SHQ1: variants seen among roughly 807,000 people sequenced by gnomAD.
The protein encoded by SHQ1 is SHQ1, H/ACA ribonucleoprotein assembly factor.
SHQ1 carries 49 observed loss-of-function variants against 53.8 expected under a neutral mutation model. That is an observed-to-expected ratio of 0.91 (90% CI 0.72 to 1.16). The LOEUF (loss-of-function observed/expected upper bound fraction) is 1.16. SHQ1 is among the 50% of genes most tolerant of loss of function. SHQ1 has a pLI of 0.00. For synonymous variants in SHQ1, 243 were observed against 251.0 expected, an observed-to-expected ratio of 0.97 and a Z score of 0.30; for missense variants, 738 against 683.1, an observed-to-expected ratio of 1.08 and a Z score of -0.90.
chr3:72,824,369 T>C lies in SHQ1; in HGVS notation c.727+55A>G, dbSNP rs1198062635. The C allele has an allele frequency of 1.1e-5, 18 of 1,596,800 alleles. No homozygotes were observed. In the East Asian group the frequency reaches 4.0e-4, roughly 36 times the overall value. ...TTAATAATATGGAAGGCAGTAAACG[T>C]GGTACACCATGAGATTTTAAAATGA... On this transcript the variant is annotated intron_variant, in intron 6 of 10. Coordinates refer to ENST00000325599, the MANE Select transcript of SHQ1 (RefSeq NM_018130.3).
chr3:72,761,470 C>T (rs1705607796), intron 10 of SHQ1, among the ~76,000 whole-genome samples: 1 of 152,112 alleles, frequency 6.6e-6, no homozygotes, highest in Non-Finnish European at 1.5e-5. Context: ...CTGCGCCGGG[C>T]CAAGGAATAA....
chr3:72,793,954 C>A (rs1706522636), intron 9 of SHQ1: 2 of 152,148 alleles, frequency 1.3e-5, no homozygotes, highest in South Asian at 4.1e-4. Context: ...CTAGTTTTAA[C>A]CCAACCAAAG....
chr3:72,746,769 A>G (rs980548740), downstream of SHQ1, among the ~76,000 whole-genome samples: 4 of 152,232 alleles, frequency 2.6e-5, no homozygotes, highest in African/African-American at 9.6e-5. Context: ...GGAAGGAAGA[A>G]AACTTCCATG....
chr3:72,731,350 T>C, the SHQ1 span, among the ~76,000 whole-genome samples: 35,565 of 150,372 alleles, frequency 0.24, 4,805 homozygotes, highest in Non-Finnish European at 0.26. Context: ...GAAAAGACAT[T>C]TCCATAAATT....
chr3:72,840,951 A>G (rs1289054088), intron 4 of SHQ1, 94 bp downstream of exon 4: 5 of 1,408,056 alleles, frequency 3.6e-6, no homozygotes, highest in African/African-American at 2.9e-5. Context: ...CTGTAATATT[A>G]TTTTTAAAAA....
intron 10 of SHQ1, among the ~76,000 whole-genome samples, chr3:72,751,535 T>TACACACAC (rs1553688184): frequency 5.0e-5 from 7 of 139,926 alleles, no homozygotes; most frequent in Admixed American, 6.9e-5. Context: ...TATATACATA[T>TACACACAC]ACATACACTA....
At chr3:72,728,407 C>A in the SHQ1 span, among the ~76,000 whole-genome samples, 1,618 of 152,326 alleles carry the variant, frequency 0.011, 21 homozygotes, top group Non-Finnish European at 0.015. Flanking sequence ...TGAGGGGCAT[C>A]TTTGCCCTGC....
intron 4 of SHQ1, among the ~76,000 whole-genome samples, chr3:72,836,375 G>T (rs1707995934): frequency 6.6e-6 from 1 of 152,144 alleles, no homozygotes; most frequent in Non-Finnish European, 1.5e-5. Context: ...TGTAGTCCCA[G>T]CTACTCGGGA....
intron 10 of SHQ1, among the ~76,000 whole-genome samples, chr3:72,773,923 A>C (rs540535992): frequency 1.3e-5 from 2 of 152,316 alleles, no homozygotes; most frequent in East Asian, 3.9e-4. Context: ...CACATACAAA[A>C]TGTAAGATTT....
At chr3:72,787,465 T>C (rs190781886) in intron 10 of SHQ1, among the ~76,000 whole-genome samples, 1 of 152,358 alleles carries the variant, frequency 6.6e-6, no homozygotes, top group African/African-American at 2.4e-5. Flanking sequence ...TCTTGATCCC[T>C]TGTCATTTCA....
At chr3:72,842,584 C>T (rs927082218) in intron 2 of SHQ1, among the ~76,000 whole-genome samples, 182 bp from the exon 3 acceptor site, 1 of 151,652 alleles carries the variant, frequency 6.6e-6, no homozygotes, top group African/African-American at 2.4e-5. Flanking sequence ...ATAATAAAAT[C>T]ATTTTAATTA....
At chr3:72,766,750 G>C (rs1180840314) in intron 10 of SHQ1, among the ~76,000 whole-genome samples, 1 of 152,140 alleles carries the variant, frequency 6.6e-6, no homozygotes. Flanking sequence ...GGAACTGAAA[G>C]CACAGGCCTC....
chr3:72,751,562 C>G (rs1466569161), intron 10 of SHQ1, among the ~76,000 whole-genome samples: 1 of 134,780 alleles, frequency 7.4e-6, no homozygotes, highest in South Asian at 2.2e-4. Flanking sequence ...CCTAACTCTC[C>G]TAACAGAGTT....
chr3:72,773,498 GA>G, intron 10 of SHQ1: 10 of 232,650 alleles, frequency 4.3e-5, no homozygotes, highest in South Asian at 1.1e-4. Context: ...AAAAAAAAAA[GA>G]AAAAAAAGAA....
chr3:72,833,491 TAGATAGATAGACAGAC>T (rs139977096), intron 4 of SHQ1, among the ~76,000 whole-genome samples: 28,454 of 94,634 alleles, frequency 0.3, 3,289 homozygotes, highest in East Asian at 0.42. Context: ...GATAGATAGA[TAGATAGATAGACAGAC>T]AGACAGACAG....
At chr3:72,732,384 G>GCCTTCCTTCCTT in the SHQ1 span, among the ~76,000 whole-genome samples, 1,033 of 86,482 alleles carry the variant, frequency 0.012, 3 homozygotes, top group East Asian at 0.034. Context: ...CTGCCTGCCT[G>GCCTTCCTTCCTT]CCTGCCTTCC....
At chr3:72,807,845 T>C (rs564293288) in intron 9 of SHQ1, among the ~76,000 whole-genome samples, 1 of 152,330 alleles carries the variant, frequency 6.6e-6, no homozygotes, top group South Asian at 2.1e-4. Flanking sequence ...TTTCTGAAAA[T>C]TTGTTTATTG....
chr3:72,817,415 TTTCA>T (rs748832867), intron 6 of SHQ1, 31 bp from the exon 7 acceptor site: 6 of 1,571,952 alleles, frequency 3.8e-6, no homozygotes, highest in Non-Finnish European at 5.2e-6. Flanking sequence ...AAACTAGATG[TTTCA>T]TTCAGTTTTG....
chr3:72,814,237 A>G (rs1393521008), intron 8 of SHQ1, among the ~76,000 whole-genome samples: 1 of 152,248 alleles, frequency 6.6e-6, no homozygotes, highest in East Asian at 1.9e-4. Context: ...AAAATTATCC[A>G]GTCACCAACT....
Sources: gnomAD v4.1 joint callset for allele counts (sites outside exome capture counted in the v4.1 genomes callset) on GRCh38, gnomAD v4.1.1 for gene constraint, MANE v1.5 for transcripts, NCBI Gene and HGNC (gene_info 2026-07-23, HGNC 2026-07-21) for gene names.